NCAM2: variants seen among roughly 807,000 people sequenced by gnomAD.
The protein encoded by NCAM2 is neural cell adhesion molecule 2.
In NCAM2, 30 loss-of-function variants were observed where a neutral mutation model predicts 98.1. The observed-to-expected ratio is 0.31, with a 90% CI of 0.23 to 0.41. The LOEUF (loss-of-function observed/expected upper bound fraction) is 0.41, where lower values mean the gene tolerates loss of function less well. Among genes scored for constraint, NCAM2 ranks in the 10% least tolerant of loss-of-function variants. The pLI, the probability that NCAM2 is intolerant of heterozygous loss-of-function variation, is 1.00. For synonymous variants in NCAM2, 368 were observed against 342.4 expected (o/e 1.07, Z -0.83); for missense variants, 867 against 1,005.8 (o/e 0.86, Z 1.87).
At chr21:21,100,200 A>G (rs2066211547) in intron 1 of NCAM2, among the ~76,000 whole-genome samples, 2 of 151,992 alleles carry the variant, frequency 1.3e-5, no homozygotes, top group Admixed American at 1.3e-4. Flanking sequence ...TTAGGAAGGT[A>G]AAGTTCATGC....
chr21:21,197,534 GC>G (rs1211196498), intron 1 of NCAM2, among the ~76,000 whole-genome samples: 1 of 152,138 alleles, frequency 6.6e-6, no homozygotes, highest in Non-Finnish European at 1.5e-5. Context: ...CCAAAGAGAA[GC>G]CGCTCTGTTA....
intron 5 of NCAM2, among the ~76,000 whole-genome samples, chr21:21,314,611 C>T (rs1239380801): frequency 5.3e-5 from 8 of 152,100 alleles, no homozygotes; most frequent in Admixed American, 5.2e-4. Flanking sequence ...GATTTCATGA[C>T]ATTTTGGTAG....
chr21:21,356,174 GA>G (rs2075473863), intron 8 of NCAM2, among the ~76,000 whole-genome samples: 1 of 152,048 alleles, frequency 6.6e-6, no homozygotes, highest in African/African-American at 2.4e-5. Flanking sequence ...AATAAAATAT[GA>G]TGCTTTTAAA....
rs376987390 is a variant in NCAM2 at position 21,494,240 on chromosome 21, A to T, written c.2078-14611A>T. Among the ~76,000 whole-genome samples the T allele has an allele frequency of 5.9e-5, 9 of 151,966 alleles. 1 individual carries two copies. The East Asian group carries it at 1.7e-3, about 29-fold the overall frequency. ...CAGTTTGGACTTTCGAAAACAAATT[A>T]TAAAATATGAACTGAAGTATAATCA... On this transcript the variant is annotated intron_variant, in intron 15 of 17. Coordinates refer to ENST00000400546, the MANE Select transcript of NCAM2 (RefSeq NM_004540.5).
At chr21:21,488,879 A>T (rs563399841) in intron 15 of NCAM2, among the ~76,000 whole-genome samples, 2 of 151,906 alleles carry the variant, frequency 1.3e-5, no homozygotes, top group African/African-American at 4.8e-5. Flanking sequence ...ATGTAACTTT[A>T]TGTGTTTTAT....
chr21:21,048,582 T>A (rs531149521), intron 1 of NCAM2, among the ~76,000 whole-genome samples: 1 of 152,324 alleles, frequency 6.6e-6, no homozygotes, highest in East Asian at 1.9e-4. Flanking sequence ...ATTGATCTCC[T>A]GACCTCGTGA....
chr21:21,292,344 A>G, intron 5 of NCAM2, 103 bp downstream of exon 5: 1 of 1,120,692 alleles, frequency 8.9e-7, no homozygotes, highest in Non-Finnish European at 1.3e-6. Flanking sequence ...TATCTAATAA[A>G]CCTCTTCTAT....
chr21:21,080,286 A>C (rs927324429), intron 1 of NCAM2, among the ~76,000 whole-genome samples: 1 of 151,992 alleles, frequency 6.6e-6, no homozygotes, highest in African/African-American at 2.4e-5. Context: ...TGTCCAAAAA[A>C]CCCCTAAAGA....
At chr21:21,406,373 T>G (rs1465459745) in intron 9 of NCAM2, among the ~76,000 whole-genome samples, 1 of 152,084 alleles carries the variant, frequency 6.6e-6, no homozygotes, top group Non-Finnish European at 1.5e-5. Context: ...CACAATTGTG[T>G]TGAATGAAGA....
chr21:21,252,314 T>C (rs1267010729), intron 1 of NCAM2, among the ~76,000 whole-genome samples: 1 of 151,360 alleles, frequency 6.6e-6, no homozygotes, highest in East Asian at 1.9e-4. Flanking sequence ...TCAAACTTTA[T>C]TTGCTGTATA....
intron 1 of NCAM2, among the ~76,000 whole-genome samples, chr21:21,273,491 G>GGTT (rs772835820): frequency 2.0e-5 from 3 of 151,972 alleles, no homozygotes; most frequent in Non-Finnish European, 2.9e-5. Flanking sequence ...GGAAACAGGA[G>GGTT]GGTCAAAGAA....
At chr21:21,234,807 C>T (rs1376430520) in intron 1 of NCAM2, among the ~76,000 whole-genome samples, 1 of 151,954 alleles carries the variant, frequency 6.6e-6, no homozygotes, top group Non-Finnish European at 1.5e-5. Context: ...GCCTGACCAA[C>T]AGGTCATTAT....
intron 1 of NCAM2, among the ~76,000 whole-genome samples, chr21:21,053,757 C>G (rs1158304794): frequency 6.6e-6 from 1 of 150,994 alleles, no homozygotes; most frequent in Non-Finnish European, 1.5e-5. Flanking sequence ...GTAAATTCAT[C>G]TTTTATCCAT....
chr21:21,466,253 C>T (rs1216018841), intron 12 of NCAM2, among the ~76,000 whole-genome samples: 1 of 151,976 alleles, frequency 6.6e-6, no homozygotes, highest in Non-Finnish European at 1.5e-5. Context: ...AGTACTTCTA[C>T]TTGAGACACA....
At chr21:21,004,552 A>G (rs2064077587) in intron 1 of NCAM2, among the ~76,000 whole-genome samples, 3 of 152,228 alleles carry the variant, frequency 2.0e-5, no homozygotes, top group Non-Finnish European at 4.4e-5. Context: ...GATAATTACA[A>G]AAACAAATAA....
intron 1 of NCAM2, among the ~76,000 whole-genome samples, chr21:21,202,408 C>CTTTTTTTTTTTTTTTTTTT: frequency 1.2e-5 from 1 of 80,196 alleles, no homozygotes; most frequent in Non-Finnish European, 2.1e-5. Flanking sequence ...AGCAAATATC[C>CTTTTTTTTTTTTTTTTTTT]TTTTTTTTTT....
chr21:21,325,693 A>G (rs1354962033), intron 6 of NCAM2, among the ~76,000 whole-genome samples: 1 of 152,196 alleles, frequency 6.6e-6, no homozygotes, highest in Non-Finnish European at 1.5e-5. Flanking sequence ...ATTCATTCCA[A>G]TGAAAAAATA....
chr21:21,125,548 T>C (rs941668027), intron 1 of NCAM2, among the ~76,000 whole-genome samples: 2 of 69,772 alleles, frequency 2.9e-5, no homozygotes, highest in African/African-American at 8.0e-5. Context: ...ATATATTACA[T>C]ATATACATAT....
intron 1 of NCAM2, among the ~76,000 whole-genome samples, chr21:21,180,558 A>G (rs2068436873): frequency 6.6e-6 from 1 of 152,196 alleles, no homozygotes; most frequent in Non-Finnish European, 1.5e-5. Flanking sequence ...TTATTTATTC[A>G]AAAAATGTTA....
Sources: gnomAD v4.1 joint callset for allele counts (sites outside exome capture counted in the v4.1 genomes callset) on GRCh38, gnomAD v4.1.1 for gene constraint, MANE v1.5 for transcripts, NCBI Gene and HGNC (gene_info 2026-07-23, HGNC 2026-07-21) for gene names.